Variants in GM2A observed in about 807,000 individuals in gnomAD.
GM2A encodes ganglioside GM2 activator.
A neutral mutation model predicts 12.9 loss-of-function variants in GM2A; 7 were observed. The ratio of observed to expected loss-of-function variants is 0.54; its 90% CI spans 0.31 to 1.02. GM2A has a LOEUF of 1.02. Among genes scored for constraint, GM2A ranks in the 50% least tolerant of loss-of-function variants. The pLI is 0.05. For missense variants in GM2A, 246 were observed against 241.0 expected (o/e 1.02, Z -0.14); for synonymous variants, 101 against 96.0 (o/e 1.05, Z -0.30).
chr5:151,256,129 G>C (rs1753680928), intron 1 of GM2A, among the ~76,000 whole-genome samples: 1 of 152,170 alleles, frequency 6.6e-6, no homozygotes, highest in African/African-American at 2.4e-5. Context: ...ACTACAGGCT[G>C]TGATGGGTGT....
chr5:151,259,974 T>G, intron 2 of GM2A, 58 bp downstream of exon 2: 12 of 1,352,934 alleles, frequency 8.9e-6, no homozygotes, highest in South Asian at 1.2e-5. Context: ...GCAGGGGTAC[T>G]GGGGCATGTA....
In GM2A at chr5:151,268,402, C is replaced by T. The variant is rs927006244; in HGVS notation, c.*951C>T. On this transcript the variant is annotated 3_prime_UTR_variant, in exon 4 of 4. Coordinates refer to ENST00000357164, the MANE Select transcript of GM2A (RefSeq NM_000405.5). Reference sequence around the variant, plus strand: ...TCTCTTGACCTCGTGATCTGTCCACCTTGGCCTTGCAAAGCGCTGGATTAC... The same window carrying T: ...TCTCTTGACCTCGTGATCTGTCCACTTTGGCCTTGCAAAGCGCTGGATTAC... The T allele has an allele frequency of 6.8e-6, 6 of 883,146 alleles. No individual in the cohort carries two copies. The African/African-American group carries it at 9.1e-5, about 13-fold the overall frequency. The allele number at this position is 883,146 out of a possible 1,614,324, so 54.7% of individuals were successfully genotyped here.
In GM2A at chr5:151,267,491, G is replaced by C; in HGVS notation, c.*40G>C. On this transcript the variant is annotated 3_prime_UTR_variant, in exon 4 of 4. Coordinates refer to ENST00000357164, the MANE Select transcript of GM2A (RefSeq NM_000405.5). ...CAGCAGAATGGAGCGGTGTGAGGAA[G>C]GTCCCTTTTCCTCTGTTTTGTGTTT... 1.2e-6 allele frequency: 2 copies of C among 1,613,634 alleles called. No individual in the cohort carries two copies. Among genetic ancestry groups the C allele is most frequent in the Non-Finnish European group, 1.7e-6 (2 of 1,179,830 alleles).
chr5:151,256,608 GAAAAA>G (rs60009533), intron 1 of GM2A, among the ~76,000 whole-genome samples: 16 of 121,654 alleles, frequency 1.3e-4, no homozygotes, highest in African/African-American at 4.0e-4. Flanking sequence ...TCTGTCTCAA[GAAAAA>G]AAAAAAAAAA....
Position 151,253,286 on chromosome 5 carries a change from C to T in GM2A, c.70C>T (p.His24Tyr). 1 of 1,613,170 alleles carries T rather than the reference C, an allele frequency of 6.2e-7. No individual in the cohort carries two copies. Among genetic ancestry groups the T allele is most frequent in the Non-Finnish European group, 8.5e-7 (1 of 1,179,234 alleles). The change falls in exon 1 of 4, where the codon CAC (histidine) becomes TAC (tyrosine). Residue 24 changes from histidine (H) to tyrosine (Y), a missense_variant. His to Tyr is a moderately conservative substitution (Grantham distance 83, BLOSUM62 2). Coordinates refer to ENST00000357164, the MANE Select transcript of GM2A (RefSeq NM_000405.5). ...GLLLAAPAQA[H>Y]LKKPSQLSSF... ...GCTTCTCGCGGCCCCTGCGCAAGCC[C>T]ACCTGAAAAAGGTGAGTGCACCCTC...
chr5:151,264,012 A>G (rs1753841512), intron 2 of GM2A, among the ~76,000 whole-genome samples: 1 of 152,148 alleles, frequency 6.6e-6, no homozygotes, highest in Admixed American at 6.5e-5. Flanking sequence ...GACTTGCTCC[A>G]TGGGATCTGG....
chr5:151,260,155 A>G lies in GM2A; in HGVS notation c.243+239A>G, dbSNP rs1460907932. 3.9e-5 allele frequency among the ~76,000 whole-genome samples: 6 copies of G among 152,288 alleles called. No individual in the cohort carries two copies. In the South Asian group the frequency reaches 1.2e-3, roughly 32 times the overall value. The stretch of plus-strand genomic sequence containing the variant: ...CCTGGTGAGGGCAGGAGTGACGGAT[A>G]CCTTGCACCTGGCAGAAGCGTCCTG... On this transcript the variant is annotated intron_variant, in intron 2 of 3. Transcript: ENST00000357164.
chr5:151,266,907 C>A lies in GM2A; in HGVS notation c.420C>A (p.Phe140Leu). Reference sequence around the variant, plus strand: ...ATGGGCTTCCTTGCCACTGTCCCTTCAAAGAAGTAAGTACTTAGGGAGGAG... The same window carrying A: ...ATGGGCTTCCTTGCCACTGTCCCTTAAAAGAAGTAAGTACTTAGGGAGGAG... ...RTYGLPCHCP[F>L]KEGTYSLPKS... Residue 140 changes from phenylalanine (F) to leucine (L), a missense_variant, in exon 3 of 4, where the codon TTC (phenylalanine) becomes TTA (leucine). Phe to Leu is a conservative substitution (Grantham distance 22, BLOSUM62 0). Transcript: ENST00000357164. The A allele has an allele frequency of 1.2e-6, 2 of 1,612,626 alleles. No homozygotes were observed. The highest frequency in any genetic ancestry group is 1.7e-6 in the Non-Finnish European group (2 of 1,178,720).
At chr5:151,263,397 A>ATG (rs967992513) in intron 2 of GM2A, among the ~76,000 whole-genome samples, 8 of 151,204 alleles carry the variant, frequency 5.3e-5, no homozygotes, top group Admixed American at 5.3e-4. Context: ...ATATATATAT[A>ATG]TTTATTTATT....
chr5:151,263,085 AT>A (rs1201367108), intron 2 of GM2A, among the ~76,000 whole-genome samples: 10 of 135,432 alleles, frequency 7.4e-5, no homozygotes, highest in Admixed American at 7.3e-5. Flanking sequence ...TTTTTCCCCA[AT>A]TTCTTTTTTT....
chr5:151,253,438 A>AT (rs1356293026), intron 1 of GM2A, 141 bp downstream of exon 1: 7 of 709,680 alleles, frequency 9.9e-6, no homozygotes, highest in Non-Finnish European at 1.8e-5. Flanking sequence ...GTAACTAATT[A>AT]TGGGATTCTG....
At position 151,267,433 on chromosome 5, in the gene GM2A, C is replaced by G. The variant is rs567701178; in HGVS notation, c.564C>G (p.Ala188=). The part of the protein sequence containing the change: ...GKRLGCIKIA[A]SLKGI Reference sequence around the variant, plus strand: ...GTCTGGGCTGCATCAAGATCGCTGCCTCTCTAAAGGGCATATAACATGGCA... The same window carrying G: ...GTCTGGGCTGCATCAAGATCGCTGCGTCTCTAAAGGGCATATAACATGGCA... Residue 188 remains alanine (A), a synonymous_variant, in exon 4 of 4, where the codon GCC becomes GCG. Coordinates refer to ENST00000357164, the MANE Select transcript of GM2A (RefSeq NM_000405.5). The G allele has an allele frequency of 6.2e-7, 1 of 1,614,024 alleles. No individual in the cohort carries two copies. The highest frequency in any genetic ancestry group is 1.3e-5 in the African/African-American group (1 of 74,928).
At chr5:151,257,002 T>G (rs1753701716) in intron 1 of GM2A, among the ~76,000 whole-genome samples, 1 of 152,216 alleles carries the variant, frequency 6.6e-6, no homozygotes, top group Non-Finnish European at 1.5e-5. Flanking sequence ...GATATCATTA[T>G]GTCCACATAA....
chr5:151,257,391 G>A (rs895915531), intron 1 of GM2A, among the ~76,000 whole-genome samples: 8 of 152,000 alleles, frequency 5.3e-5, no homozygotes, highest in Admixed American at 2.6e-4. Context: ...ATTCTTCTCC[G>A]GTAGGTACTC....
intron 2 of GM2A, among the ~76,000 whole-genome samples, chr5:151,266,245 G>A (rs919420581): frequency 1.3e-5 from 2 of 152,116 alleles, no homozygotes; most frequent in African/African-American, 4.8e-5. Flanking sequence ...TTGGGAGGTG[G>A]AGGTGGAAGG....
chr5:151,267,443 G>C lies in GM2A; in HGVS notation c.574G>C (p.Gly192Arg). ...CATCAAGATCGCTGCCTCTCTAAAG[G>C]GCATATAACATGGCATCTGCCACAG... ...GCIKIAASLK[G>R]I The change falls in exon 4 of 4, where the codon GGC becomes CGC. Residue 192 changes from glycine (G) to arginine (R), a missense_variant. Gly to Arg is a moderately radical substitution (Grantham distance 125). Coordinates refer to ENST00000357164, the MANE Select transcript of GM2A (RefSeq NM_000405.5). 6.2e-7 allele frequency: 1 copy of C among 1,614,120 alleles called. No homozygotes were observed. Among genetic ancestry groups the C allele is most frequent in the Non-Finnish European group, 8.5e-7 (1 of 1,179,996 alleles).
Position 151,253,251 on chromosome 5 carries a change from C to T in GM2A, c.35C>T (p.Ala12Val), listed in dbSNP as rs1362482084. ...CTGATGCAGGCTCCCCTCCTGATCG[C>T]CCTGGGCTTGCTTCTCGCGGCCCCT... ...QSLMQAPLLI[A>V]LGLLLAAPAQ... is the part of the protein sequence containing the mutation. Residue 12 changes from alanine (A) to valine (V), a missense_variant, in exon 1 of 4, where the codon GCC (alanine) becomes GTC (valine). Physicochemically the swap from Ala to Val is moderately conservative, Grantham distance 64. Transcript: ENST00000357164. 1.2e-6 allele frequency: 2 copies of T among 1,614,078 alleles called. No individual in the cohort carries two copies. The highest frequency in any genetic ancestry group is 8.5e-7 in the Non-Finnish European group (1 of 1,179,962).
At position 151,267,099 on chromosome 5, in the gene GM2A, C is replaced by T. The variant is rs1168239481; in HGVS notation, c.426+186C>T. ...CCATCTACGAAATGGGAGACTTGAA[C>T]TTAGATGTGATCTTCAGGGCCCTTT... On this transcript the variant is annotated intron_variant, in intron 3 of 3. Coordinates refer to ENST00000357164, the MANE Select transcript of GM2A (RefSeq NM_000405.5). 8.2e-6 allele frequency: 7 copies of T among 853,442 alleles called. No homozygotes were observed. In the East Asian group the frequency reaches 1.1e-4, roughly 13 times the overall value. The allele number at this position is 853,442 out of a possible 1,614,324, so 52.9% of individuals were successfully genotyped here.
intron 2 of GM2A, among the ~76,000 whole-genome samples, chr5:151,262,339 T>C (rs59642445): frequency 0.021 from 3,202 of 152,358 alleles, 102 homozygotes; most frequent in African/African-American, 0.071. Context: ...ATTCCTGATT[T>C]GGATTCTGTG....
Sources: gnomAD v4.1 joint callset for allele counts (sites outside exome capture counted in the v4.1 genomes callset) on GRCh38, gnomAD v4.1.1 for gene constraint, MANE v1.5 for transcripts, NCBI Gene and HGNC (gene_info 2026-07-23, HGNC 2026-07-21) for gene names.